Variants in GLTP observed in about 807,000 individuals in gnomAD.
The protein encoded by GLTP is glycolipid transfer protein.
In GLTP, 22 loss-of-function variants were observed where a neutral mutation model predicts 24.0. The observed-to-expected ratio is 0.92, with a 90% confidence interval of 0.65 to 1.31. The LOEUF is 1.31. Ranked by LOEUF, GLTP falls within the 50% of genes most tolerant of loss-of-function variation. The pLI is 0.00. For synonymous variants in GLTP, 92 were observed against 115.9 expected (o/e 0.79, Z 1.33); for missense variants, 224 against 276.6 (o/e 0.81, Z 1.35).
rs1368012551 is a variant in GLTP, at chr12:109,852,353, A to C, written c.*202T>G. On this transcript the variant is annotated 3_prime_UTR_variant, in exon 5 of 5. Coordinates refer to ENST00000318348, the MANE Select transcript of GLTP (RefSeq NM_016433.4). ...AGATTTGGAAGTAAGATCATTATTTACTGGTCCTTTAGAATAGACCAAAAA... is the reference window on the plus strand; with the variant it reads ...AGATTTGGAAGTAAGATCATTATTTCCTGGTCCTTTAGAATAGACCAAAAA... 2.2e-6 allele frequency: 1 copy of C among 464,446 alleles called. No homozygotes were observed. The allele number at this position is 464,446 out of a possible 1,614,324, so 28.8% of individuals were successfully genotyped here.
intron 1 of GLTP, among the ~76,000 whole-genome samples, chr12:109,871,562 G>T (rs1868723215): frequency 6.6e-6 from 1 of 152,158 alleles, no homozygotes; most frequent in African/African-American, 2.4e-5. Flanking sequence ...TAGACCTGCT[G>T]TAAAGTCCTG....
intron 1 of GLTP, among the ~76,000 whole-genome samples, chr12:109,876,095 C>G (rs1361621843): frequency 6.6e-6 from 1 of 152,164 alleles, no homozygotes; most frequent in African/African-American, 2.4e-5. Flanking sequence ...GTAATCCCAG[C>G]CCTTTGGGAG....
Position 109,855,888 on chromosome 12 carries a change from G to A in GLTP, c.297-119C>T, listed in dbSNP as rs1892789980. On this transcript the variant is annotated intron_variant, in intron 3 of 4. Transcript: ENST00000318348. This position sits in a 1 kb window ranked among gnomAD's most constrained non-coding sequence, Gnocchi z 4.1. ...CAGGAACATGGGCGCCCCAGAGGGA[G>A]TGGTTATTCCCTAATCATCTTTCCC... 8.3e-6 allele frequency: 6 copies of A among 721,100 alleles called. No homozygotes were observed. Among genetic ancestry groups the A allele is most frequent in the South Asian group, 5.0e-5 (2 of 40,246 alleles). The allele number at this position is 721,100 out of a possible 1,614,324, so 44.7% of individuals were successfully genotyped here.
At position 109,860,927 on chromosome 12, in the gene GLTP, G is replaced by A. The variant is rs79566126; in HGVS notation, c.104-2186C>T. On this transcript the variant is annotated intron_variant, in intron 1 of 4. Transcript: ENST00000318348. Reference sequence around the variant, plus strand: ...CAGGCTAGATGTGGACTTTACCTTTGAGCCTGAAGACAGATTACCGGGCTT... The same window carrying A: ...CAGGCTAGATGTGGACTTTACCTTTAAGCCTGAAGACAGATTACCGGGCTT... 7.0e-3 allele frequency among the ~76,000 whole-genome samples: 1,061 copies of A among 152,250 alleles called. 20 individuals carry two copies. Among genetic ancestry groups the A allele is most frequent in the African/African-American group, 0.025 (1,022 of 41,530 alleles).
chr12:109,870,385 G>A (rs1868681536), intron 1 of GLTP, among the ~76,000 whole-genome samples: 1 of 152,026 alleles, frequency 6.6e-6, no homozygotes, highest in Non-Finnish European at 1.5e-5. Context: ...ATAATTGCTT[G>A]AACCTAGGGG....
chr12:109,877,788 C>T (rs370193236), intron 1 of GLTP, among the ~76,000 whole-genome samples: 18 of 152,138 alleles, frequency 1.2e-4, no homozygotes, highest in East Asian at 3.9e-4. Context: ...GCATCACAGC[C>T]GACAAATGAT....
rs2136761454 is a variant in GLTP at position 109,852,393 on chromosome 12, ACT to A, written c.*160_*161del. On this transcript the variant is annotated 3_prime_UTR_variant, in exon 5 of 5. Transcript: ENST00000318348. ...TAGACCAAAAAAAAAAAAAAAAAAG[ACT>A]TAAAAAACGAGGGCTGTCCCCTGCA... The A allele has an allele frequency of 1.4e-5, 7 of 512,682 alleles. No individual in the cohort carries two copies. The highest frequency in any genetic ancestry group is 3.1e-5 in the South Asian group (1 of 32,742). 31.8% of individuals were successfully genotyped at this position (512,682 alleles called of 1,614,324 possible). A position where few individuals can be genotyped will look rare whatever the true frequency, so the allele number is the denominator to read the frequency against.
chr12:109,857,935 G>A lies in GLTP; in HGVS notation c.163-276C>T, dbSNP rs1384137656. On this transcript the variant is annotated intron_variant, in intron 2 of 4. Transcript: ENST00000318348. The surrounding 1 kb of genome is among the most constrained non-coding windows in gnomAD (Gnocchi z 4.3). ...CAGAGACACTGAGGCTCACAGAGGAGCACGGACTTGCCCAAGGTCACACAG... is the reference window on the plus strand; with the variant it reads ...CAGAGACACTGAGGCTCACAGAGGAACACGGACTTGCCCAAGGTCACACAG... 1 of 479,198 alleles carries A rather than the reference G, an allele frequency of 2.1e-6. No homozygotes were observed. Among genetic ancestry groups the A allele is most frequent in the African/African-American group, 2.0e-5 (1 of 51,054 alleles). The allele number at this position is 479,198 out of a possible 1,614,324, so 29.7% of individuals were successfully genotyped here. A position where few individuals can be genotyped will look rare whatever the true frequency, so the allele number is the denominator to read the frequency against.
intron 1 of GLTP, among the ~76,000 whole-genome samples, chr12:109,869,781 A>G (rs1868663034): frequency 7.2e-6 from 1 of 139,408 alleles, no homozygotes; most frequent in Non-Finnish European, 1.5e-5. Context: ...GAAAACTATT[A>G]TCATTATTTT....
chr12:109,853,329 T>G (rs1892752603), intron 4 of GLTP, among the ~76,000 whole-genome samples: 1 of 151,970 alleles, frequency 6.6e-6, no homozygotes, highest in South Asian at 2.1e-4. Flanking sequence ...CTCCCATACT[T>G]GAAAAGTACA....
At chr12:109,873,425 G>T (rs1159698747) in intron 1 of GLTP, among the ~76,000 whole-genome samples, 1 of 152,020 alleles carries the variant, frequency 6.6e-6, no homozygotes, top group Non-Finnish European at 1.5e-5. Context: ...ATGAGGTCAG[G>T]AGTTCAAGAC....
Position 109,880,353 on chromosome 12 carries a change from A to G in GLTP, c.22T>C (p.Leu8=). MALLAEH[L]LKPLPADKQI... ...TTGTCCGCGGGCAGCGGCTTCAGCA[A>G]GTGTTCGGCCAGCAGCGCCATTTCG... Residue 8 remains leucine, a synonymous_variant, in exon 1 of 5, where the codon TTG becomes CTG. Coordinates refer to ENST00000318348, the MANE Select transcript of GLTP (RefSeq NM_016433.4). The surrounding 1 kb of genome is among the most constrained non-coding windows in gnomAD (Gnocchi z 5.1). The G allele has an allele frequency of 1.3e-6, 2 of 1,525,044 alleles. No homozygotes were observed. The highest frequency in any genetic ancestry group is 1.8e-6 in the Non-Finnish European group (2 of 1,127,914). 94.5% of individuals were successfully genotyped at this position (1,525,044 alleles called of 1,614,324 possible).
At chr12:109,867,551 C>A (rs1246205947) in intron 1 of GLTP, among the ~76,000 whole-genome samples, 1 of 152,210 alleles carries the variant, frequency 6.6e-6, no homozygotes, top group African/African-American at 2.4e-5. Flanking sequence ...GCCTCTGGGA[C>A]AATTCTGACT....
At chr12:109,863,312 T>C (rs1306322839) in intron 1 of GLTP, among the ~76,000 whole-genome samples, 1 of 152,236 alleles carries the variant, frequency 6.6e-6, no homozygotes, top group Non-Finnish European at 1.5e-5. Flanking sequence ...TACTTTTTCT[T>C]TCAAGTCTGT....
Position 109,852,614 on chromosome 12 carries a change from T to C in GLTP, c.571A>G (p.Ile191Val). The C allele has an allele frequency of 5.0e-6, 8 of 1,608,594 alleles. No individual in the cohort carries two copies. The highest frequency in any genetic ancestry group is 6.8e-6 in the Non-Finnish European group (8 of 1,175,018). ...GTGTACATCTCGTAGATGACATCGA[T>C]GGTCGCCGTGTAGTTGACTAGGAAG... ...RLFLVNYTAT[I>V]DVIYEMYTQM... The change falls in exon 5 of 5, where the codon ATC becomes GTC. Residue 191 changes from isoleucine (I) to valine (V), a missense_variant. Transcript: ENST00000318348.
In GLTP at chr12:109,857,296, C is replaced by G. The variant is rs1892809485; in HGVS notation, c.296+230G>C. Reference sequence around the variant, plus strand: ...AATCAGGTGTATAAAGAGCTTAGCACAACTCCCAGATCAGGGTGTGCTCAT... The same window carrying G: ...AATCAGGTGTATAAAGAGCTTAGCAGAACTCCCAGATCAGGGTGTGCTCAT... On this transcript the variant is annotated intron_variant, in intron 3 of 4. Coordinates refer to ENST00000318348, the MANE Select transcript of GLTP (RefSeq NM_016433.4). This position sits in a 1 kb window ranked among gnomAD's most constrained non-coding sequence, Gnocchi z 4.3. Among the ~76,000 whole-genome samples, 1 of 152,206 alleles carries G rather than the reference C, an allele frequency of 6.6e-6. No homozygotes were observed. The highest frequency in any genetic ancestry group is 2.4e-5 in the African/African-American group (1 of 41,450).
At chr12:109,877,809 C>G (rs921124733) in intron 1 of GLTP, among the ~76,000 whole-genome samples, 1 of 152,168 alleles carries the variant, frequency 6.6e-6, no homozygotes, top group Admixed American at 6.5e-5. Context: ...CTTGATCAGA[C>G]GTCCCAGAGA....
intron 1 of GLTP, among the ~76,000 whole-genome samples, chr12:109,861,131 G>A (rs767149144): frequency 9.9e-5 from 15 of 152,122 alleles, no homozygotes; most frequent in Non-Finnish European, 2.1e-4. Flanking sequence ...CCAAGTGACC[G>A]CATGAGGGCA....
chr12:109,879,416 C>G (rs528029483), intron 1 of GLTP, among the ~76,000 whole-genome samples: 2 of 152,254 alleles, frequency 1.3e-5, no homozygotes, highest in South Asian at 2.1e-4. Context: ...CTGGACTGGG[C>G]TAGGCTGAGG....
Sources: gnomAD v4.1 joint callset for allele counts (sites outside exome capture counted in the v4.1 genomes callset) on GRCh38, gnomAD v4.1.1 for gene constraint, Gnocchi (gnomAD v3.1) non-coding constraint, MANE v1.5 for transcripts, NCBI Gene and HGNC (gene_info 2026-07-23, HGNC 2026-07-21) for gene names.